Variants in SHISA9 observed in about 807,000 individuals in gnomAD.
SHISA9 encodes the protein shisa family member 9.
A neutral mutation model predicts 38.0 loss-of-function variants in SHISA9; 13 were observed. The observed-to-expected ratio is 0.34, with a 90% confidence interval of 0.22 to 0.54. The LOEUF (loss-of-function observed/expected upper bound fraction) is 0.54. SHISA9 is among the 20% of genes least tolerant of loss of function. The pLI is 0.91. For synonymous variants in SHISA9, 275 were observed against 242.0 expected (o/e 1.14, Z -1.27); for missense variants, 538 against 575.8 (o/e 0.93, Z 0.67).
the SHISA9 span, among the ~76,000 whole-genome samples, chr16:13,478,680 GA>G: frequency 6.6e-6 from 1 of 152,156 alleles, no homozygotes; most frequent in Non-Finnish European, 1.5e-5. Context: ...CCCAGCTTTT[GA>G]AAAACAACAG....
chr16:13,339,469 C>G, the SHISA9 span, among the ~76,000 whole-genome samples: 1 of 152,118 alleles, frequency 6.6e-6, no homozygotes, highest in Non-Finnish European at 1.5e-5. Flanking sequence ...TCTCTCTGAG[C>G]CTCAGTCCTT....
intron 4 of SHISA9, among the ~76,000 whole-genome samples, chr16:13,219,586 C>T (rs1287768845): frequency 6.6e-6 from 1 of 152,154 alleles, no homozygotes; most frequent in Non-Finnish European, 1.5e-5. Context: ...GATTACCTTA[C>T]CTTGTCATGT....
chr16:13,251,392 C>G, the SHISA9 span, among the ~76,000 whole-genome samples: 1 of 152,278 alleles, frequency 6.6e-6, no homozygotes, highest in South Asian at 2.1e-4. Context: ...TAGCACCTGG[C>G]CTAGGTGTGC....
In SHISA9 at chr16:13,207,757, C is replaced by T. The variant is rs1194678964; in HGVS notation, c.847+4208C>T. On this transcript the variant is annotated intron_variant, in intron 3 of 4. Transcript: ENST00000558583. ...GCCTGCACATATAAAATGCAAATCC[C>T]ATAATAAATGTTCTTTCAAGGGTTC... is the stretch of plus-strand genomic sequence containing the variant. 2.6e-5 allele frequency among the ~76,000 whole-genome samples: 4 copies of T among 152,282 alleles called. 1 individual carries two copies. Among genetic ancestry groups the T allele is most frequent in the South Asian group, 4.1e-4 (2 of 4,830 alleles).
intron 2 of SHISA9, among the ~76,000 whole-genome samples, chr16:12,917,189 G>C (rs1321285067): frequency 6.6e-6 from 1 of 152,164 alleles, no homozygotes; most frequent in Non-Finnish European, 1.5e-5. Flanking sequence ...CAATCTGTTA[G>C]CCAATGGTCT....
chr16:13,344,771 C>CAG, the SHISA9 span, among the ~76,000 whole-genome samples: 1 of 152,176 alleles, frequency 6.6e-6, no homozygotes, highest in Non-Finnish European at 1.5e-5. Flanking sequence ...TGCCCCAAAT[C>CAG]TCACAACCAG....
At chr16:13,320,584 T>C in the SHISA9 span, among the ~76,000 whole-genome samples, 2 of 152,212 alleles carry the variant, frequency 1.3e-5, no homozygotes, top group African/African-American at 4.8e-5. Context: ...TGCTGATGAA[T>C]ACAGCCTCCT....
chr16:13,547,474 A>G, the SHISA9 span, among the ~76,000 whole-genome samples: 3 of 152,302 alleles, frequency 2.0e-5, no homozygotes, highest in East Asian at 5.8e-4. Context: ...TGGTGTTGTA[A>G]TTTAGTTCAA....
intron 2 of SHISA9, among the ~76,000 whole-genome samples, chr16:13,112,608 G>A (rs2073990223): frequency 6.6e-6 from 1 of 151,794 alleles, no homozygotes; most frequent in African/African-American, 2.4e-5. Flanking sequence ...ACCTCTCATT[G>A]AGAAGCATGA....
At chr16:13,529,325 T>C in the SHISA9 span, among the ~76,000 whole-genome samples, 6 of 152,360 alleles carry the variant, frequency 3.9e-5, no homozygotes, top group East Asian at 1.2e-3. Flanking sequence ...CATGCCACGA[T>C]GATTAGCTGA....
chr16:13,532,906 C>T, the SHISA9 span, among the ~76,000 whole-genome samples: 1 of 152,054 alleles, frequency 6.6e-6, no homozygotes, highest in East Asian at 1.9e-4. Flanking sequence ...ATAAATTATC[C>T]ATCCAATCCC....
At chr16:13,420,458 T>C in the SHISA9 span, among the ~76,000 whole-genome samples, 2 of 151,756 alleles carry the variant, frequency 1.3e-5, no homozygotes, top group Non-Finnish European at 2.9e-5. Flanking sequence ...TCTTGGGAGA[T>C]GAAGAAACCA....
At chr16:13,413,491 C>G in the SHISA9 span, among the ~76,000 whole-genome samples, 1 of 152,078 alleles carries the variant, frequency 6.6e-6, no homozygotes, top group Non-Finnish European at 1.5e-5. Context: ...CGCAGTGGCT[C>G]ACGCCTGCAA....
At chr16:13,498,506 C>G in the SHISA9 span, among the ~76,000 whole-genome samples, 1 of 152,148 alleles carries the variant, frequency 6.6e-6, no homozygotes, top group Non-Finnish European at 1.5e-5. Context: ...CCTGTAATCC[C>G]AGCACTTTGG....
At chr16:13,262,870 T>C in the SHISA9 span, among the ~76,000 whole-genome samples, 1 of 152,080 alleles carries the variant, frequency 6.6e-6, no homozygotes, top group African/African-American at 2.4e-5. Context: ...CTCATTCAGG[T>C]TTAAGTTACA....
intron 2 of SHISA9, among the ~76,000 whole-genome samples, chr16:13,016,416 G>A (rs1287416470): frequency 6.6e-6 from 1 of 152,156 alleles, no homozygotes; most frequent in Non-Finnish European, 1.5e-5. Context: ...CTTTGAACAG[G>A]GGAATAGAGA....
intron 2 of SHISA9, among the ~76,000 whole-genome samples, chr16:13,142,288 C>G (rs910674772): frequency 6.6e-6 from 1 of 152,202 alleles, no homozygotes; most frequent in Non-Finnish European, 1.5e-5. Context: ...TAGGTCTTCC[C>G]TAAGCCCAGA....
At chr16:13,144,218 T>C (rs940323241) in intron 2 of SHISA9, among the ~76,000 whole-genome samples, 3 of 151,490 alleles carry the variant, frequency 2.0e-5, no homozygotes, top group East Asian at 1.9e-4. Context: ...AGTGGTGAGA[T>C]CTTGGCTCAC....
At chr16:13,427,951 C>T in the SHISA9 span, among the ~76,000 whole-genome samples, 3 of 152,146 alleles carry the variant, frequency 2.0e-5, no homozygotes, top group African/African-American at 7.2e-5. Flanking sequence ...ATTTAGAGCG[C>T]ATTGAATGAT....
Sources: allele counts gnomAD v4.1 joint callset (sites outside exome capture counted in the v4.1 genomes callset), GRCh38; gene constraint gnomAD v4.1.1; transcripts MANE v1.5; gene names NCBI Gene and HGNC (gene_info 2026-07-23, HGNC 2026-07-21).